DGKG: variants seen among roughly 807,000 people sequenced by gnomAD.
DGKG encodes the protein diacylglycerol kinase gamma, also known as DAG kinase gamma.
DGKG carries 78 observed loss-of-function variants against 105.3 expected under a neutral mutation model. The ratio of observed to expected loss-of-function variants is 0.74; its 90% CI spans 0.62 to 0.89. The LOEUF (loss-of-function observed/expected upper bound fraction) is 0.89. DGKG is among the 40% of genes least tolerant of loss of function. The probability of loss-of-function intolerance (pLI) is 0.00; values close to 1 mark genes in which losing one functional copy is unlikely to be tolerated. For missense variants in DGKG, 958 were observed against 1,020.1 expected, an observed-to-expected ratio of 0.94 and a Z score of 0.83; for synonymous variants, 346 against 367.1, an observed-to-expected ratio of 0.94 and a Z score of 0.66.
At chr3:186,338,877 C>T (rs895090464) in intron 1 of DGKG, among the ~76,000 whole-genome samples, 3 of 152,070 alleles carry the variant, frequency 2.0e-5, no homozygotes, top group Non-Finnish European at 4.4e-5. Context: ...TCAATGTATA[C>T]TATGTATGAA....
chr3:186,315,028 AT>A (rs1199268208), intron 2 of DGKG, among the ~76,000 whole-genome samples: 1 of 152,140 alleles, frequency 6.6e-6, no homozygotes, highest in Non-Finnish European at 1.5e-5. Flanking sequence ...GCATCCCCAC[AT>A]GCACACACCC....
At chr3:186,274,323 G>A (rs1003260746) in intron 10 of DGKG, among the ~76,000 whole-genome samples, 1 of 152,150 alleles carries the variant, frequency 6.6e-6, no homozygotes, top group African/African-American at 2.4e-5. Flanking sequence ...GAGTAGCTGG[G>A]ATTACAGGCG....
intron 1 of DGKG, among the ~76,000 whole-genome samples, chr3:186,346,270 T>G (rs1297412448): frequency 2.6e-5 from 4 of 152,224 alleles, no homozygotes. Context: ...CCGTCCATAT[T>G]TCATTCACAT....
rs191958717 is a variant in DGKG, at chr3:186,198,633, G to T, written c.1918-10254C>A. ...TGGTGGTGTCAATATTCCTACTATG[G>T]CCAATTTCAAGTGACCATGATGACA... On this transcript the variant is annotated intron_variant, in intron 21 of 24. Transcript: ENST00000265022. Among the ~76,000 whole-genome samples, 5 of 152,256 alleles carry T rather than the reference G, an allele frequency of 3.3e-5. No homozygotes were observed. The East Asian group carries it at 9.7e-4, about 29-fold the overall frequency.
chr3:186,323,850 T>C (rs913104370), intron 1 of DGKG, among the ~76,000 whole-genome samples: 10 of 147,870 alleles, frequency 6.8e-5, no homozygotes, highest in Non-Finnish European at 1.2e-4. Context: ...GGCAGAAGAA[T>C]GGTTTGAACC....
intron 5 of DGKG, among the ~76,000 whole-genome samples, chr3:186,296,763 G>C (rs557726747): frequency 2.0e-5 from 3 of 152,174 alleles, no homozygotes; most frequent in Admixed American, 6.5e-5. Context: ...CACACCAGTG[G>C]TATATAATCT....
chr3:186,178,822 C>T (rs563944818), intron 22 of DGKG, among the ~76,000 whole-genome samples: 16 of 152,300 alleles, frequency 1.1e-4, no homozygotes, highest in Admixed American at 4.6e-4. Flanking sequence ...GGTGGTTACT[C>T]TGGGGTTTGT....
At chr3:186,207,061 TC>T (rs889626860) in intron 21 of DGKG, among the ~76,000 whole-genome samples, 6 of 152,128 alleles carry the variant, frequency 3.9e-5, no homozygotes, top group African/African-American at 1.4e-4. Context: ...CATGCTGGCT[TC>T]TTAATTAGGG....
intron 5 of DGKG, among the ~76,000 whole-genome samples, chr3:186,297,068 T>TCTCTCTCA (rs1452573661): frequency 1.5e-5 from 2 of 130,506 alleles, no homozygotes; most frequent in African/African-American, 5.8e-5. Flanking sequence ...TCTGTCTCTC[T>TCTCTCTCA]CACACACACA....
intron 24 of DGKG, among the ~76,000 whole-genome samples, chr3:186,153,360 TC>T (rs1178348404): frequency 1.3e-5 from 2 of 152,168 alleles, no homozygotes; most frequent in Admixed American, 1.3e-4. Flanking sequence ...AAAGAGGTCA[TC>T]CCACGTTTCT....
chr3:186,275,771 G>A, intron 9 of DGKG, 107 bp from the exon 10 acceptor site: 1 of 679,184 alleles, frequency 1.5e-6, no homozygotes, highest in Non-Finnish European at 2.4e-6. Flanking sequence ...TAGAAGATGA[G>A]TTATTGATAT....
intron 19 of DGKG, among the ~76,000 whole-genome samples, chr3:186,246,586 T>C (rs1243555159): frequency 1.3e-5 from 2 of 152,192 alleles, no homozygotes; most frequent in Non-Finnish European, 2.9e-5. Flanking sequence ...CTGAAAATTA[T>C]GGGAGATTGG....
intron 21 of DGKG, among the ~76,000 whole-genome samples, chr3:186,209,088 C>CTTTTTTTTTTTTT (rs1560096022): frequency 8.0e-6 from 1 of 124,886 alleles, no homozygotes; most frequent in African/African-American, 3.3e-5. Context: ...CTTCAGTTTA[C>CTTTTTTTTTTTTT]TCTTCTTTTT....
chr3:186,205,257 C>CAAAAA (rs71164580), intron 21 of DGKG, among the ~76,000 whole-genome samples: 1 of 72,994 alleles, frequency 1.4e-5, no homozygotes, highest in South Asian at 5.0e-4. Context: ...AACTCCTTCT[C>CAAAAA]AAAAAAAAAA....
Position 186,280,794 on chromosome 3 carries a change from T to C in DGKG, c.595-50A>G, listed in dbSNP as rs112737513. On this transcript the variant is annotated intron_variant, in intron 7 of 24. Transcript: ENST00000265022. Reference sequence around the variant, plus strand: ...TATCAAAAGGAGACAACCAGAGATGTGTCATTAAGAGCCGAACTCAAAATT... The same window carrying C: ...TATCAAAAGGAGACAACCAGAGATGCGTCATTAAGAGCCGAACTCAAAATT... 3.3e-6 allele frequency: 5 copies of C among 1,523,826 alleles called. No individual in the cohort carries two copies. In the South Asian group the frequency reaches 4.5e-5, roughly 14 times the overall value. The allele number at this position is 1,523,826 out of a possible 1,614,324, so 94.4% of individuals were successfully genotyped here. A position where few individuals can be genotyped will look rare whatever the true frequency, so the allele number is the denominator to read the frequency against.
intron 24 of DGKG, chr3:186,161,200 G>GTC: frequency 1.0e-6 from 1 of 986,248 alleles, no homozygotes; most frequent in Non-Finnish European, 1.2e-6. Context: ...GTGTAGATTT[G>GTC]GCTTCCACGT....
intron 1 of DGKG, among the ~76,000 whole-genome samples, chr3:186,348,850 A>G (rs1158752816): frequency 1.3e-5 from 2 of 152,188 alleles, no homozygotes; most frequent in East Asian, 3.8e-4. Context: ...TTTTTCTCTG[A>G]AAATAAAACA....
In DGKG at chr3:186,210,308, A is replaced by G. The variant is rs951386660; in HGVS notation, c.1917+1487T>C. On this transcript the variant is annotated intron_variant, in intron 21 of 24. Transcript: ENST00000265022. The surrounding 1 kb of genome is among the most constrained non-coding windows in gnomAD (Gnocchi z 5.2). ...TGTGCCAAGGGGAAAAAATGCACAC[A>G]TATCCCTGTTAGCCACACTCGGTTC... 6.6e-6 allele frequency among the ~76,000 whole-genome samples: 1 copy of G among 152,142 alleles called. No homozygotes were observed. Among genetic ancestry groups the G allele is most frequent in the Non-Finnish European group, 1.5e-5 (1 of 68,018 alleles).
intron 3 of DGKG, among the ~76,000 whole-genome samples, chr3:186,298,633 C>G (rs982835147): frequency 1.2e-4 from 18 of 152,158 alleles, no homozygotes; most frequent in Non-Finnish European, 5.9e-5. Flanking sequence ...TGAGCAGGGA[C>G]AAGATCTGTG....
Sources: gnomAD v4.1 joint callset for allele counts (sites outside exome capture counted in the v4.1 genomes callset) on GRCh38, gnomAD v4.1.1 for gene constraint, Gnocchi (gnomAD v3.1) non-coding constraint, MANE v1.5 for transcripts, NCBI Gene and HGNC (gene_info 2026-07-23, HGNC 2026-07-21) for gene names.